CDKL1: variants seen among roughly 807,000 people sequenced by gnomAD.
CDKL1 encodes cyclin dependent kinase like 1.
A neutral mutation model predicts 42.0 loss-of-function variants in CDKL1; 41 were observed. The observed-to-expected ratio is 0.98, with a 90% CI of 0.76 to 1.27. The LOEUF (loss-of-function observed/expected upper bound fraction) is 1.27, where lower values mean the gene tolerates loss of function less well. Among genes scored for constraint, CDKL1 ranks in the 50% most tolerant of loss-of-function variants. The pLI is 0.00. For synonymous variants in CDKL1, 153 were observed against 158.6 expected (o/e 0.96, Z 0.26); for missense variants, 394 against 428.4 (o/e 0.92, Z 0.71).
chr14:50,393,719 A>G (rs1261249050), intron 2 of CDKL1, among the ~76,000 whole-genome samples: 1 of 152,210 alleles, frequency 6.6e-6, no homozygotes, highest in Non-Finnish European at 1.5e-5. Context: ...GACTCTACCT[A>G]TAATCTAGTC....
chr14:50,361,296 CT>C (rs1347363520), intron 2 of CDKL1, among the ~76,000 whole-genome samples: 1 of 152,184 alleles, frequency 6.6e-6, no homozygotes, highest in East Asian at 1.9e-4. Flanking sequence ...CTCATTTTCT[CT>C]GTAAAATCCC....
chr14:50,394,999 G>A (rs1291140985), intron 2 of CDKL1, among the ~76,000 whole-genome samples: 1 of 152,248 alleles, frequency 6.6e-6, no homozygotes, highest in East Asian at 1.9e-4. Flanking sequence ...ATTAGAAAGT[G>A]ATCATTTCAC....
At position 50,326,543 on chromosome 14, in the gene CDKL1, C is replaced by T; in HGVS notation, c.*3531G>A. On this transcript the variant is annotated 3_prime_UTR_variant, in exon 10 of 10. Transcript: ENST00000395834. Reference sequence around the variant, plus strand: ...GGATTTGCGTGCATTTCCCATGATCCTGCATTCTTGTGTTCTTGATAGCAT... The same window carrying T: ...GGATTTGCGTGCATTTCCCATGATCTTGCATTCTTGTGTTCTTGATAGCAT... The T allele has an allele frequency of 5.1e-6, 5 of 985,424 alleles. No individual in the cohort carries two copies. Among genetic ancestry groups the T allele is most frequent in the Non-Finnish European group, 6.0e-6 (5 of 829,934 alleles). The allele number at this position is 985,424 out of a possible 1,614,324, so 61.0% of individuals were successfully genotyped here.
At chr14:50,392,511 G>A (rs2139555192) in intron 2 of CDKL1, among the ~76,000 whole-genome samples, 1 of 150,722 alleles carries the variant, frequency 6.6e-6, no homozygotes, top group South Asian at 2.1e-4. Context: ...TTGTTCTATG[G>A]GGTTTCCTAC....
At chr14:50,389,163 T>C (rs925340359) in intron 2 of CDKL1, among the ~76,000 whole-genome samples, 1 of 150,692 alleles carries the variant, frequency 6.6e-6, no homozygotes, top group Non-Finnish European at 1.5e-5. Flanking sequence ...CTGTAGCTCC[T>C]GTCCCCATGC....
intron 2 of CDKL1, among the ~76,000 whole-genome samples, chr14:50,374,709 A>G (rs1200428122): frequency 6.6e-6 from 1 of 152,240 alleles, no homozygotes; most frequent in Admixed American, 6.5e-5. Flanking sequence ...CTCTAGATAC[A>G]TGTATGTACA....
chr14:50,338,310 C>A (rs1394811449), intron 7 of CDKL1, among the ~76,000 whole-genome samples: 1 of 152,046 alleles, frequency 6.6e-6, no homozygotes, highest in African/African-American at 2.4e-5. Flanking sequence ...TCACTGCAAC[C>A]TCCACCTCCT....
rs57657571 is a variant in CDKL1, at chr14:50,329,036, CATATATATATATAT to C, written c.*1024_*1037del. 4 of 140,566 alleles carry C rather than the reference CATATATATATATAT, an allele frequency of 2.8e-5. No individual in the cohort carries two copies. The highest frequency in any genetic ancestry group is 5.3e-5 in the African/African-American group (2 of 38,086). 8.7% of individuals were successfully genotyped at this position (140,566 alleles called of 1,614,324 possible). A position where few individuals can be genotyped will look rare whatever the true frequency, so the allele number is the denominator to read the frequency against. ...TGTAATATATTAGTTGTTAGAATAG[CATATATATATATAT>C]ATATATATATATACATACACATACA... On this transcript the variant is annotated 3_prime_UTR_variant, in exon 10 of 10. Transcript: ENST00000395834.
In CDKL1 at chr14:50,393,674, C is replaced by G. The variant is rs79879083; in HGVS notation, c.168+2027G>C. Among the ~76,000 whole-genome samples the G allele has an allele frequency of 5.4e-3, 829 of 152,274 alleles. 3 individuals are homozygous for G. The highest frequency in any genetic ancestry group is 7.3e-3 in the Non-Finnish European group (495 of 68,018). ...AGTACGTATTATGTGTTAGGAATATCACACAACTCTGAAAAGTTACAGCTT... is the reference window on the plus strand; with the variant it reads ...AGTACGTATTATGTGTTAGGAATATGACACAACTCTGAAAAGTTACAGCTT... On this transcript the variant is annotated intron_variant, in intron 2 of 9. Coordinates refer to ENST00000395834, the MANE Select transcript of CDKL1 (RefSeq NM_004196.7).
rs2032703889 is a variant in CDKL1 at position 50,326,358 on chromosome 14, GT to G, written c.*3715del. The G allele has an allele frequency of 1.2e-6, 1 of 861,438 alleles. No homozygotes were observed. Among genetic ancestry groups the G allele is most frequent in the Admixed American group, 6.2e-5 (1 of 16,060 alleles). The allele number at this position is 861,438 out of a possible 1,614,324, so 53.4% of individuals were successfully genotyped here. A position where few individuals can be genotyped will look rare whatever the true frequency, so the allele number is the denominator to read the frequency against. ...CTTTAAAGTTATTTGTACAACAGAT[GT>G]TTTTATTATAACAGTAATTTACATT... is the stretch of plus-strand genomic sequence containing the variant. On this transcript the variant is annotated 3_prime_UTR_variant, in exon 10 of 10. Coordinates refer to ENST00000395834, the MANE Select transcript of CDKL1 (RefSeq NM_004196.7).
chr14:50,391,367 GT>G (rs2035251991), intron 2 of CDKL1, among the ~76,000 whole-genome samples: 1 of 152,102 alleles, frequency 6.6e-6, no homozygotes, highest in South Asian at 2.1e-4. Context: ...TGTGGATCCT[GT>G]TACAGAAAGA....
intron 2 of CDKL1, among the ~76,000 whole-genome samples, chr14:50,369,834 G>C (rs750797363): frequency 6.6e-6 from 1 of 151,782 alleles, no homozygotes; most frequent in Non-Finnish European, 1.5e-5. Flanking sequence ...GGCCAGGCTA[G>C]TCTCAAACTC....
At chr14:50,384,120 G>A (rs543606930) in intron 2 of CDKL1, among the ~76,000 whole-genome samples, 55 of 152,280 alleles carry the variant, frequency 3.6e-4, no homozygotes, top group African/African-American at 1.3e-3. Flanking sequence ...GTGGGCAAGG[G>A]AATGCTCTGT....
chr14:50,386,241 G>A (rs900069014), intron 2 of CDKL1, among the ~76,000 whole-genome samples: 2 of 152,066 alleles, frequency 1.3e-5, no homozygotes, highest in Non-Finnish European at 1.5e-5. Context: ...AGACCAGCCC[G>A]GGCAACATAG....
At chr14:50,394,545 G>C (rs1379278730) in intron 2 of CDKL1, among the ~76,000 whole-genome samples, 2 of 152,326 alleles carry the variant, frequency 1.3e-5, no homozygotes, top group African/African-American at 4.8e-5. Flanking sequence ...GGAGAAAATG[G>C]AGAAGCAAGA....
chr14:50,382,184 G>T (rs1443966940), intron 2 of CDKL1, among the ~76,000 whole-genome samples: 1 of 152,242 alleles, frequency 6.6e-6, no homozygotes, highest in Admixed American at 6.5e-5. Flanking sequence ...CGGGCGCGGT[G>T]GCTGACGCCT....
chr14:50,353,736 TA>T (rs1376417924), intron 3 of CDKL1, among the ~76,000 whole-genome samples: 2 of 150,616 alleles, frequency 1.3e-5, no homozygotes, highest in Non-Finnish European at 3.0e-5. Flanking sequence ...AGAGTACATT[TA>T]AAAAAAAATG....
At chr14:50,396,659 G>A in intron 1 of CDKL1, 165 bp downstream of exon 1, 1 of 184,136 alleles carries the variant, frequency 5.4e-6, no homozygotes, top group African/African-American at 2.4e-5. Flanking sequence ...AGGCGGCGGC[G>A]AGGCTTGGCC....
At chr14:50,339,094 C>A (rs2033414139) in intron 6 of CDKL1, 65 bp from the exon 7 acceptor site, 1 of 1,079,138 alleles carries the variant, frequency 9.3e-7, no homozygotes, top group South Asian at 1.2e-5. Context: ...TGGTTTTCTT[C>A]CATCAATGCT....
Sources: allele counts gnomAD v4.1 joint callset (sites outside exome capture counted in the v4.1 genomes callset), GRCh38; gene constraint gnomAD v4.1.1; transcripts MANE v1.5; gene names NCBI Gene and HGNC (gene_info 2026-07-23, HGNC 2026-07-21).